C4BPA: variants seen among roughly 807,000 people sequenced by gnomAD.
The protein encoded by C4BPA is C4b-binding protein alpha chain.
C4BPA carries 31 observed loss-of-function variants against 63.7 expected under a neutral mutation model. That is an observed-to-expected ratio of 0.49 (90% CI 0.37 to 0.66). The LOEUF is 0.66. Among genes scored for constraint, C4BPA ranks in the 30% least tolerant of loss-of-function variants. The pLI is 0.00. For synonymous variants in C4BPA, 259 were observed against 254.7 expected (o/e 1.02, Z -0.16); for missense variants, 572 against 723.3 (o/e 0.79, Z 2.40).
intron 1 of C4BPA, among the ~76,000 whole-genome samples, chr1:207,106,457 T>TTTTTTTTTTTTTG (rs905722793): frequency 7.2e-4 from 93 of 129,612 alleles, no homozygotes; most frequent in African/African-American, 3.0e-3. Context: ...TTTTTTTTTT[T>TTTTTTTTTTTTTG]GAAACGGAGT....
intron 8 of C4BPA, among the ~76,000 whole-genome samples, chr1:207,133,847 G>C (rs928892976): frequency 6.6e-6 from 1 of 152,088 alleles, no homozygotes. Context: ...GTATGCTTTA[G>C]CTCTTAGGTG....
rs200253338 is a variant in C4BPA, at chr1:207,124,239, C to T, written c.579C>T (p.Tyr193=). The change falls in exon 6 of 12, where the codon TAC becomes TAT. Residue 193 remains tyrosine, a synonymous_variant. Coordinates refer to ENST00000367070, the MANE Select transcript of C4BPA (RefSeq NM_000715.4). ...NGRHSGEENF[Y]AYGFSVTYSC... Reference sequence around the variant, plus strand: ...GGCACAGCGGTGAAGAAAATTTCTACGCATACGGCTTTTCTGTCACCTACA... The same window carrying T: ...GGCACAGCGGTGAAGAAAATTTCTATGCATACGGCTTTTCTGTCACCTACA... The T allele has an allele frequency of 4.0e-5, 65 of 1,613,912 alleles. No homozygotes were observed. Among genetic ancestry groups the T allele is most frequent in the Admixed American group, 1.5e-4 (9 of 59,984 alleles).
chr1:207,106,383 C>T (rs1458218958), intron 1 of C4BPA, among the ~76,000 whole-genome samples: 2 of 151,544 alleles, frequency 1.3e-5, no homozygotes, highest in Middle Eastern at 3.2e-3. Context: ...ATTAAATTGA[C>T]TTTCATTCCT....
At chr1:207,138,696 T>C (rs1685347802) in intron 9 of C4BPA, among the ~76,000 whole-genome samples, 1 of 152,180 alleles carries the variant, frequency 6.6e-6, no homozygotes, top group Admixed American at 6.5e-5. Context: ...CTGGCAATCA[T>C]TTGTCCCCCC....
chr1:207,107,122 C>T (rs1328736477), intron 1 of C4BPA, among the ~76,000 whole-genome samples: 1 of 152,196 alleles, frequency 6.6e-6, no homozygotes, highest in East Asian at 1.9e-4. Context: ...ATGATGAAGT[C>T]AGGCAATGCT....
intron 2 of C4BPA, among the ~76,000 whole-genome samples, chr1:207,113,793 G>T (rs115102912): frequency 6.4e-4 from 97 of 152,182 alleles, no homozygotes; most frequent in African/African-American, 2.3e-3. Flanking sequence ...AGTCAGGTTG[G>T]TGAAGTTCAT....
intron 7 of C4BPA, among the ~76,000 whole-genome samples, chr1:207,129,649 A>G (rs945154620): frequency 6.6e-6 from 1 of 152,186 alleles, no homozygotes; most frequent in Admixed American, 6.5e-5. Context: ...GAAAGAATGG[A>G]GGCTAGAAAG....
chr1:207,143,050 G>T (rs1685454732), intron 10 of C4BPA, among the ~76,000 whole-genome samples: 1 of 152,136 alleles, frequency 6.6e-6, no homozygotes, highest in Non-Finnish European at 1.5e-5. Flanking sequence ...GTTTATTGCA[G>T]CACTATTCAC....
At chr1:207,118,432 C>G (rs551054657) in intron 4 of C4BPA, among the ~76,000 whole-genome samples, 1 of 152,186 alleles carries the variant, frequency 6.6e-6, no homozygotes, top group Non-Finnish European at 1.5e-5. Flanking sequence ...AACTTACAAT[C>G]ATCGCAGAAG....
chr1:207,135,793 T>C (rs1471198046), intron 9 of C4BPA, among the ~76,000 whole-genome samples: 1 of 152,226 alleles, frequency 6.6e-6, no homozygotes, highest in African/African-American at 2.4e-5. Context: ...TAATAGGCCA[T>C]TCAGTGTTTT....
intron 10 of C4BPA, 44 bp downstream of exon 10, chr1:207,141,320 G>A (rs759725321): frequency 7.2e-6 from 11 of 1,523,534 alleles, no homozygotes; most frequent in African/African-American, 2.8e-5. Context: ...GTGGGTGGAC[G>A]TGTCCTGAGA....
chr1:207,138,109 A>G (rs2102361368), intron 9 of C4BPA, among the ~76,000 whole-genome samples: 1 of 152,300 alleles, frequency 6.6e-6, no homozygotes, highest in East Asian at 1.9e-4. Context: ...GGTTTACAAT[A>G]CCAAAAATAT....
intron 6 of C4BPA, among the ~76,000 whole-genome samples, chr1:207,124,977 G>A (rs1489259213): frequency 6.6e-6 from 1 of 152,226 alleles, no homozygotes. Flanking sequence ...ACATATGCCT[G>A]TAGGGCAAGC....
chr1:207,113,128 C>T lies in C4BPA; in HGVS notation c.103C>T (p.Gln35Ter). ...LWKVSDPILF[Q>*]MTLIAALLPA... is the part of the protein sequence containing the mutation. ...GAAAGTCTCTGATCCAATTCTCTTCCAAATGACCTTGATCGCTGCTCTGTT... is the reference window on the plus strand; with the variant it reads ...GAAAGTCTCTGATCCAATTCTCTTCTAAATGACCTTGATCGCTGCTCTGTT... Residue 35 changes from glutamine (Q) to a stop codon, truncating the protein, a stop_gained, in exon 2 of 12, where the codon CAA becomes TAA. Coordinates refer to ENST00000367070, the MANE Select transcript of C4BPA (RefSeq NM_000715.4). LOFTEE classifies it high-confidence loss of function. 1 of 1,611,328 alleles carries T rather than the reference C, an allele frequency of 6.2e-7. No homozygotes were observed. The highest frequency in any genetic ancestry group is 2.2e-5 in the East Asian group (1 of 44,722).
At chr1:207,138,326 A>T (rs961355895) in intron 9 of C4BPA, among the ~76,000 whole-genome samples, 2 of 152,182 alleles carry the variant, frequency 1.3e-5, no homozygotes, top group African/African-American at 4.8e-5. Flanking sequence ...CTTCCATCTT[A>T]TAATGAATGG....
chr1:207,141,239 T>C lies in C4BPA; in HGVS notation c.1407T>C (p.Ser469=). 6.2e-7 allele frequency: 1 copy of C among 1,613,454 alleles called. No homozygotes were observed. The highest frequency in any genetic ancestry group is 8.5e-7 in the Non-Finnish European group (1 of 1,179,732). Residue 469 remains serine, a synonymous_variant, in exon 10 of 12, where the codon AGT becomes AGC. Coordinates refer to ENST00000367070, the MANE Select transcript of C4BPA (RefSeq NM_000715.4). ...TCGGACAGGCGAAACTCTCCTGCAG[T>C]TATTCACACTGGTCAGCTCCAGCCC... The part of the protein sequence containing the change: ...ILVGQAKLSC[S]YSHWSAPAPQ...
intron 1 of C4BPA, 166 bp from the exon 2 acceptor site, chr1:207,112,835 A>T (rs17020927): frequency 1.7e-6 from 1 of 583,502 alleles, no homozygotes; most frequent in Non-Finnish European, 2.8e-6. Flanking sequence ...GCAGAGGCCA[A>T]TCCTTACTGT....
intron 7 of C4BPA, among the ~76,000 whole-genome samples, chr1:207,130,738 G>A (rs779995329): frequency 6.6e-6 from 1 of 152,264 alleles, no homozygotes; most frequent in Non-Finnish European, 1.5e-5. Context: ...TATTTAAAAT[G>A]CTCAGATTAG....
At chr1:207,120,586 G>A (rs560677772) in intron 4 of C4BPA, among the ~76,000 whole-genome samples, 12 of 152,086 alleles carry the variant, frequency 7.9e-5, no homozygotes, top group South Asian at 4.1e-4. Flanking sequence ...GCAACATAGC[G>A]AAACCCATCT....
Sources: allele counts gnomAD v4.1 joint callset (sites outside exome capture counted in the v4.1 genomes callset), GRCh38; gene constraint gnomAD v4.1.1; transcripts MANE v1.5; gene names NCBI Gene and HGNC (gene_info 2026-07-23, HGNC 2026-07-21).